GPC6: variants seen among roughly 807,000 people sequenced by gnomAD.
GPC6 encodes glypican 6.
Under a neutral mutation model 55.2 loss-of-function variants are expected in GPC6, and 14 were observed. The ratio of observed to expected loss-of-function variants is 0.25; its 90% CI spans 0.17 to 0.40. The LOEUF is 0.40. Ranked by LOEUF, GPC6 falls within the 10% of genes least tolerant of loss-of-function variation. The pLI, the probability that GPC6 is intolerant of heterozygous loss-of-function variation, is 1.00. For synonymous variants in GPC6, 278 were observed against 259.6 expected (o/e 1.07, Z -0.68); for missense variants, 641 against 708.5 (o/e 0.90, Z 1.08).
intron 2 of GPC6, among the ~76,000 whole-genome samples, chr13:93,643,903 TGTTAA>T (rs879350777): frequency 2.6e-5 from 4 of 152,206 alleles, no homozygotes; most frequent in East Asian, 1.9e-4. Flanking sequence ...CATTCAGTAT[TGTTAA>T]GTTGAGTATT....
At chr13:94,022,461 A>C (rs1882733485) in intron 3 of GPC6, among the ~76,000 whole-genome samples, 1 of 151,970 alleles carries the variant, frequency 6.6e-6, no homozygotes, top group African/African-American at 2.4e-5. Context: ...GTGCATATAT[A>C]CCAACTTCTT....
chr13:93,682,194 A>G (rs1210527507), intron 2 of GPC6, among the ~76,000 whole-genome samples: 1 of 152,150 alleles, frequency 6.6e-6, no homozygotes, highest in South Asian at 2.1e-4. Context: ...TAAGATGAAA[A>G]TGCGTTTGCA....
chr13:93,420,659 G>T (rs989661506), intron 1 of GPC6, among the ~76,000 whole-genome samples: 7 of 152,136 alleles, frequency 4.6e-5, no homozygotes, highest in African/African-American at 1.7e-4. Flanking sequence ...TTGTTTTTCT[G>T]TGTAGAAAGA....
At chr13:94,077,957 A>G (rs1220754701) in intron 4 of GPC6, among the ~76,000 whole-genome samples, 2 of 151,908 alleles carry the variant, frequency 1.3e-5, no homozygotes, top group Non-Finnish European at 3.0e-5. Context: ...CAGTGGCAGA[A>G]TACACATTCT....
At chr13:94,039,068 A>C (rs185529726) in intron 4 of GPC6, among the ~76,000 whole-genome samples, 1 of 151,930 alleles carries the variant, frequency 6.6e-6, no homozygotes, top group Non-Finnish European at 1.5e-5. Context: ...CAGGGGGGGA[A>C]AAACAGTGGT....
At chr13:93,752,335 G>A (rs1264445628) in intron 2 of GPC6, among the ~76,000 whole-genome samples, 1 of 151,806 alleles carries the variant, frequency 6.6e-6, no homozygotes, top group Non-Finnish European at 1.5e-5. Flanking sequence ...AGCTCAGCAG[G>A]GCTCTCCTTA....
chr13:93,802,926 T>A (rs980637043), intron 2 of GPC6, among the ~76,000 whole-genome samples: 4 of 152,224 alleles, frequency 2.6e-5, no homozygotes, highest in Admixed American at 6.5e-5. Flanking sequence ...TAAACTTTTA[T>A]CATCACTTTT....
At chr13:93,666,282 A>G (rs1308892447) in intron 2 of GPC6, among the ~76,000 whole-genome samples, 1 of 152,110 alleles carries the variant, frequency 6.6e-6, no homozygotes, top group Non-Finnish European at 1.5e-5. Context: ...ATGAATACAT[A>G]TCTTTTCAAT....
At chr13:94,201,792 T>C (rs919323282) in intron 4 of GPC6, among the ~76,000 whole-genome samples, 1 of 151,842 alleles carries the variant, frequency 6.6e-6, no homozygotes, top group Non-Finnish European at 1.5e-5. Flanking sequence ...CTACTAAAAA[T>C]ACAAAAATTA....
chr13:94,169,782 C>T lies in GPC6; in HGVS notation c.878-116567C>T, dbSNP rs555584327. On this transcript the variant is annotated intron_variant, in intron 4 of 8. Transcript: ENST00000377047. ...ACACTCCCTGGAGATCCACAGAGAACGTCACAGAGAGAACACGTGGCTGCA... is the reference window on the plus strand; with the variant it reads ...ACACTCCCTGGAGATCCACAGAGAATGTCACAGAGAGAACACGTGGCTGCA... Among the ~76,000 whole-genome samples the T allele has an allele frequency of 3.7e-4, 56 of 152,182 alleles. No homozygotes were observed. The South Asian group carries it at 5.2e-3, about 14-fold the overall frequency.
At chr13:94,339,068 CT>C (rs71695956) in intron 6 of GPC6, among the ~76,000 whole-genome samples, 5,656 of 144,160 alleles carry the variant, frequency 0.039, 303 homozygotes, top group African/African-American at 0.12. Flanking sequence ...AGGAGTTTTC[CT>C]TTTTTTTTTT....
chr13:93,518,053 T>C (rs1881269356), intron 1 of GPC6, among the ~76,000 whole-genome samples: 1 of 151,868 alleles, frequency 6.6e-6, no homozygotes, highest in Admixed American at 6.6e-5. Flanking sequence ...CTTCTTGGAG[T>C]TTTGAATGTC....
At chr13:93,969,031 C>T (rs908687867) in intron 3 of GPC6, among the ~76,000 whole-genome samples, 3 of 152,222 alleles carry the variant, frequency 2.0e-5, no homozygotes, top group Admixed American at 2.0e-4. Context: ...AGGCAAAAAC[C>T]CTTGGGATGC....
At position 93,939,557 on chromosome 13, in the gene GPC6, C is replaced by T. The variant is rs200688847; in HGVS notation, c.712-88172C>T. The stretch of plus-strand genomic sequence containing the variant: ...AAAGGCTTAGAGTTACGTTTTTTTT[C>T]AATTATTTATCTCAGTTCATATTAG... On this transcript the variant is annotated intron_variant, in intron 3 of 8. Transcript: ENST00000377047. Among the ~76,000 whole-genome samples the T allele has an allele frequency of 6.9e-4, 105 of 151,480 alleles. 1 individual carries two copies. The highest frequency in any genetic ancestry group is 6.8e-3 in the East Asian group (35 of 5,142).
chr13:93,448,460 T>C (rs1878093432), intron 1 of GPC6, among the ~76,000 whole-genome samples: 1 of 152,170 alleles, frequency 6.6e-6, no homozygotes, highest in African/African-American at 2.4e-5. Context: ...TGTCATTAAG[T>C]GATGTATGAC....
intron 2 of GPC6, among the ~76,000 whole-genome samples, chr13:93,616,437 A>C (rs1237510272): frequency 2.0e-5 from 3 of 152,082 alleles, no homozygotes; most frequent in Non-Finnish European, 4.4e-5. Flanking sequence ...TTTCAACAGA[A>C]ACAATCACCT....
intron 1 of GPC6, among the ~76,000 whole-genome samples, chr13:93,435,817 C>T (rs796255931): frequency 2.8e-4 from 42 of 152,296 alleles, no homozygotes; most frequent in African/African-American, 9.6e-4. Flanking sequence ...TCAGCTGACT[C>T]ATTCTTGGAT....
intron 2 of GPC6, among the ~76,000 whole-genome samples, chr13:93,560,117 T>G (rs891930131): frequency 2.0e-5 from 3 of 152,176 alleles, no homozygotes; most frequent in Admixed American, 2.0e-4. Context: ...CTTTATTGGA[T>G]TAATCCGGTT....
intron 2 of GPC6, among the ~76,000 whole-genome samples, chr13:93,623,935 T>C (rs1208322467): frequency 1.3e-5 from 2 of 152,104 alleles, no homozygotes; most frequent in Non-Finnish European, 2.9e-5. Context: ...TTAACTGGAA[T>C]TTTTTTCTCC....
Sources: allele counts gnomAD v4.1 joint callset (sites outside exome capture counted in the v4.1 genomes callset), GRCh38; gene constraint gnomAD v4.1.1; transcripts MANE v1.5; gene names NCBI Gene and HGNC (gene_info 2026-07-23, HGNC 2026-07-21).